BCL6: variants seen among roughly 807,000 people sequenced by gnomAD.
BCL6 encodes the protein BCL6 transcription repressor, also known as B-cell lymphoma 6 protein.
BCL6 carries 7 observed loss-of-function variants against 59.5 expected under a neutral mutation model. The ratio of observed to expected loss-of-function variants is 0.12; its 90% CI spans 0.07 to 0.22. The LOEUF (loss-of-function observed/expected upper bound fraction) is 0.22, where lower values mean the gene tolerates loss of function less well. Among genes scored for constraint, BCL6 ranks in the 10% least tolerant of loss-of-function variants. BCL6 has a pLI of 1.00. For missense variants in BCL6, 685 were observed against 939.4 expected (o/e 0.73, Z 3.54); for synonymous variants, 339 against 349.7 (o/e 0.97, Z 0.34).
chr3:187,731,294 A>G (rs1719029915), intron 4 of BCL6, among the ~76,000 whole-genome samples: 1 of 152,206 alleles, frequency 6.6e-6, no homozygotes, highest in Non-Finnish European at 1.5e-5. Flanking sequence ...AGAAGTCTAA[A>G]GGAGAACTAA....
At chr3:187,726,490 G>T (rs2108558978) in intron 7 of BCL6, among the ~76,000 whole-genome samples, 1 of 152,300 alleles carries the variant, frequency 6.6e-6, no homozygotes. Flanking sequence ...TCTGACCCCA[G>T]CAAAGGCAGA....
At chr3:187,724,706 C>T (rs1007206016) in intron 9 of BCL6, 3 of 558,250 alleles carry the variant, frequency 5.4e-6, no homozygotes, top group Non-Finnish European at 9.5e-6. Flanking sequence ...GTCCCATACC[C>T]TCATTTTAAA....
At chr3:187,738,463 C>T (rs2108477288) in intron 1 of BCL6, among the ~76,000 whole-genome samples, 1 of 152,286 alleles carries the variant, frequency 6.6e-6, no homozygotes, top group African/African-American at 2.4e-5. Context: ...GCTGCCAAGC[C>T]GTAAGGATTT....
At chr3:187,742,314 G>T (rs571733373) in intron 1 of BCL6, among the ~76,000 whole-genome samples, 57 of 152,250 alleles carry the variant, frequency 3.7e-4, no homozygotes, top group Non-Finnish European at 5.6e-4. Flanking sequence ...TCTAGCCGTG[G>T]CTACCATTTA....
chr3:187,730,119 A>C (rs1355543359), intron 4 of BCL6, 98 bp from the exon 5 acceptor site: 8 of 1,454,040 alleles, frequency 5.5e-6, no homozygotes, highest in Admixed American at 2.6e-5. Context: ...CTGTGTTTGA[A>C]TTAGCTAGAC....
At chr3:187,743,702 G>A (rs1445900487) in intron 1 of BCL6, among the ~76,000 whole-genome samples, 3 of 151,932 alleles carry the variant, frequency 2.0e-5, no homozygotes, top group South Asian at 2.1e-4. Flanking sequence ...TCCGGCAGCG[G>A]GGTGGCCCCT....
chr3:187,730,387 A>G (rs772135404), intron 4 of BCL6, among the ~76,000 whole-genome samples: 31 of 152,254 alleles, frequency 2.0e-4, no homozygotes, highest in Non-Finnish European at 4.0e-4. Context: ...CACTTCACCC[A>G]TGCAAAATCC....
chr3:187,741,141 G>A (rs1201343255), intron 1 of BCL6, among the ~76,000 whole-genome samples: 1 of 152,170 alleles, frequency 6.6e-6, no homozygotes, highest in Non-Finnish European at 1.5e-5. Context: ...GAGGGTTGGG[G>A]GTGTGATTGC....
intron 6 of BCL6, 50 bp from the exon 7 acceptor site, chr3:187,726,948 T>TA: frequency 6.3e-7 from 1 of 1,599,750 alleles, no homozygotes; most frequent in Non-Finnish European, 8.5e-7. Context: ...GGAAGGGAGG[T>TA]AGGGCTCTAA....
chr3:187,745,288 A>T (rs565563131), intron 1 of BCL6, 122 bp downstream of exon 1: 1 of 398,734 alleles, frequency 2.5e-6, no homozygotes, highest in Non-Finnish European at 4.4e-6. Context: ...CAAGAGCGGA[A>T]AAAAAAAGAA....
intron 1 of BCL6, among the ~76,000 whole-genome samples, chr3:187,742,697 T>G (rs1056795862): frequency 6.6e-6 from 1 of 152,106 alleles, no homozygotes; most frequent in South Asian, 2.1e-4. Flanking sequence ...TCTACAGGTT[T>G]CTATTTTGGC....
intron 1 of BCL6, among the ~76,000 whole-genome samples, chr3:187,740,509 C>T (rs1711547402): frequency 6.6e-6 from 1 of 152,160 alleles, no homozygotes. Context: ...CAAAGGTGAC[C>T]TAAGAGGTTA....
At chr3:187,739,798 G>A (rs1011244509) in intron 1 of BCL6, among the ~76,000 whole-genome samples, 1 of 152,172 alleles carries the variant, frequency 6.6e-6, no homozygotes, top group Admixed American at 6.5e-5. Context: ...CAAAAAGGCT[G>A]GCGGGGGAGG....
At position 187,729,992 on chromosome 3, in the gene BCL6, G is replaced by A. The variant is rs555800838; in HGVS notation, c.413C>T (p.Pro138Leu). The A allele has an allele frequency of 1.3e-6, 2 of 1,578,604 alleles. No individual in the cohort carries two copies. Among genetic ancestry groups the A allele is most frequent in the African/African-American group, 1.4e-5 (1 of 73,942 alleles). Residue 138 changes from proline (P) to leucine (L), a missense_variant, in exon 5 of 10, where the codon CCT (proline) becomes CTT (leucine). Physicochemically the swap from Pro to Leu is moderately conservative, Grantham distance 98. Around this residue, in one of 7 missense-constraint regions of BCL6, gnomAD observed 268 missense variants for 263.8 expected, o/e 1.02. Coordinates refer to ENST00000406870, the MANE Select transcript of BCL6 (RefSeq NM_001706.5). This position sits in a 1 kb window ranked among gnomAD's most constrained non-coding sequence, Gnocchi z 5.6. ...SEAEMVSAIK[P>L]PREEFLNSRM... is the part of the protein sequence containing the mutation. ...GCTGTTGAGGAACTCTTCACGAGGAGGCTTGATGGCAGAAACCATCTCTGC... is the reference window on the plus strand; with the variant it reads ...GCTGTTGAGGAACTCTTCACGAGGAAGCTTGATGGCAGAAACCATCTCTGC...
Position 187,729,086 on chromosome 3 carries a change from A to G in BCL6, c.1319T>C (p.Ile440Thr). The G allele has an allele frequency of 6.5e-7, 1 of 1,537,672 alleles. No homozygotes were observed. The highest frequency in any genetic ancestry group is 8.7e-7 in the Non-Finnish European group (1 of 1,143,740). ...GTTATTGAGCCGGCTGGCTTGTGGG[A>G]TGGTGGAGTCCTCCCCGCTGGCACT... Reference protein sequence around the residue: ...KLSASGEDSTIPQASRLNNIV... With the variant: ...KLSASGEDSTTPQASRLNNIV... The change falls in exon 5 of 10, where the codon ATC becomes ACC. Residue 440 changes from isoleucine (I) to threonine (T), a missense_variant. Coordinates refer to ENST00000406870, the MANE Select transcript of BCL6 (RefSeq NM_001706.5). The surrounding 1 kb of genome is among the most constrained non-coding windows in gnomAD (Gnocchi z 5.6).
chr3:187,734,932 CAG>C (rs1237531212), intron 1 of BCL6, 25 bp from the exon 2 acceptor site: 7 of 152,736 alleles, frequency 4.6e-5, no homozygotes, highest in African/African-American at 1.4e-4. Context: ...AGAAAGCAAA[CAG>C]AAATTGATTT....
chr3:187,733,126 C>T (rs1163737951), intron 3 of BCL6, among the ~76,000 whole-genome samples: 2 of 152,084 alleles, frequency 1.3e-5, no homozygotes, highest in Non-Finnish European at 2.9e-5. Context: ...TCAGTTGTAG[C>T]AAAAAATAAA....
rs1402896745 is a variant in BCL6, at chr3:187,721,856, A to G, written c.*602T>C. 1 of 221,062 alleles carries G rather than the reference A, an allele frequency of 4.5e-6. No homozygotes were observed. The highest frequency in any genetic ancestry group is 9.0e-6 in the Non-Finnish European group (1 of 110,546). 13.7% of individuals were successfully genotyped at this position (221,062 alleles called of 1,614,324 possible). On this transcript the variant is annotated 3_prime_UTR_variant, in exon 10 of 10. Coordinates refer to ENST00000406870, the MANE Select transcript of BCL6 (RefSeq NM_001706.5). The surrounding 1 kb of genome is among the most constrained non-coding windows in gnomAD (Gnocchi z 4.2). Reference sequence around the variant, plus strand: ...ATATTCTCTTAAGTGCTCTTTCTCAATAAAGATTCTCAGATCCGTGTCTGC... The same window carrying G: ...ATATTCTCTTAAGTGCTCTTTCTCAGTAAAGATTCTCAGATCCGTGTCTGC...
At chr3:187,744,683 G>T (rs993829645) in intron 1 of BCL6, among the ~76,000 whole-genome samples, 1 of 152,258 alleles carries the variant, frequency 6.6e-6, no homozygotes, top group Non-Finnish European at 1.5e-5. Flanking sequence ...ATGGAAGAGA[G>T]CCAGCGGGGC....
Sources: allele counts gnomAD v4.1 joint callset (sites outside exome capture counted in the v4.1 genomes callset), GRCh38; gene constraint gnomAD v4.1.1; regional missense constraint gnomAD v4.1.1; non-coding constraint Gnocchi (gnomAD v3.1); transcripts MANE v1.5; gene names NCBI Gene and HGNC (gene_info 2026-07-23, HGNC 2026-07-21).